The following RBMS3 variants were observed in gnomAD, a reference collection of about 807,000 sequenced individuals.
The protein encoded by RBMS3 is RNA binding motif single stranded interacting protein 3.
In RBMS3, 27 loss-of-function variants were observed where a neutral mutation model predicts 66.8. The ratio of observed to expected loss-of-function variants is 0.40; its 90% confidence interval spans 0.30 to 0.56. The LOEUF is 0.56. Among genes scored for constraint, RBMS3 ranks in the 20% least tolerant of loss-of-function variants. RBMS3 has a pLI of 0.40. For missense variants in RBMS3, 513 were observed against 549.5 expected, an observed-to-expected ratio of 0.93 and a Z score of 0.66; for synonymous variants, 188 against 183.0, an observed-to-expected ratio of 1.03 and a Z score of -0.22.
chr3:29,698,831 A>G (rs1402323917), intron 4 of RBMS3, among the ~76,000 whole-genome samples: 1 of 152,206 alleles, frequency 6.6e-6, no homozygotes, highest in Non-Finnish European at 1.5e-5. Context: ...AAAAATTTAT[A>G]TAATTAATAC....
At chr3:29,850,040 A>G (rs1183581428) in intron 6 of RBMS3, among the ~76,000 whole-genome samples, 1 of 152,196 alleles carries the variant, frequency 6.6e-6, no homozygotes, top group Non-Finnish European at 1.5e-5. Flanking sequence ...GAAGATTTGC[A>G]AAGAACTGGG....
intron 4 of RBMS3, among the ~76,000 whole-genome samples, chr3:29,682,658 A>C (rs747757173): frequency 1.3e-5 from 2 of 152,152 alleles, no homozygotes; most frequent in Non-Finnish European, 2.9e-5. Flanking sequence ...GAACTGCTGC[A>C]CCTGGCAACT....
intron 3 of RBMS3, among the ~76,000 whole-genome samples, chr3:29,533,647 C>T (rs1267952999): frequency 6.6e-6 from 1 of 152,018 alleles, no homozygotes; most frequent in African/African-American, 2.4e-5. Context: ...CATGATGGCA[C>T]ATGCCTGTAG....
chr3:29,580,411 G>T (rs2047283137), intron 3 of RBMS3, among the ~76,000 whole-genome samples: 1 of 152,052 alleles, frequency 6.6e-6, no homozygotes. Flanking sequence ...GGCACTTACT[G>T]AATGGAACCT....
intron 4 of RBMS3, among the ~76,000 whole-genome samples, chr3:29,611,779 A>T (rs1249078802): frequency 1.3e-5 from 2 of 152,054 alleles, no homozygotes; most frequent in Non-Finnish European, 2.9e-5. Flanking sequence ...GTTAAAAAAA[A>T]ACTAAAAGTT....
chr3:29,689,594 T>C (rs1212767574), intron 4 of RBMS3, among the ~76,000 whole-genome samples: 1 of 152,106 alleles, frequency 6.6e-6, no homozygotes, highest in Non-Finnish European at 1.5e-5. Context: ...AAATGTATTC[T>C]AAACCTGCAA....
intron 6 of RBMS3, among the ~76,000 whole-genome samples, chr3:29,792,399 A>C (rs2057043835): frequency 6.6e-6 from 1 of 152,180 alleles, no homozygotes; most frequent in South Asian, 2.1e-4. Flanking sequence ...TTTGAAATGC[A>C]GGGCCCTTCA....
At chr3:29,750,235 C>A (rs1186596351) in intron 5 of RBMS3, among the ~76,000 whole-genome samples, 1 of 152,092 alleles carries the variant, frequency 6.6e-6, no homozygotes, top group Non-Finnish European at 1.5e-5. Flanking sequence ...CTAAATTTAT[C>A]AGAAATCTTT....
At chr3:29,593,376 G>C (rs566571109) in intron 4 of RBMS3, among the ~76,000 whole-genome samples, 1 of 152,222 alleles carries the variant, frequency 6.6e-6, no homozygotes, top group South Asian at 2.1e-4. Flanking sequence ...CAGGCTATTT[G>C]CTATTTATTG....
chr3:29,653,751 G>A (rs559419563), intron 4 of RBMS3, among the ~76,000 whole-genome samples: 1 of 152,014 alleles, frequency 6.6e-6, no homozygotes, highest in Non-Finnish European at 1.5e-5. Context: ...ACCCCCATTA[G>A]CAAATACCGT....
In RBMS3 at chr3:29,293,578, T is replaced by A. The variant is rs534303204; in HGVS notation, c.75+11822T>A. Among the ~76,000 whole-genome samples, 14 of 151,910 alleles carry A rather than the reference T, an allele frequency of 9.2e-5. No homozygotes were observed. The South Asian group carries it at 2.9e-3, about 31-fold the overall frequency. On this transcript the variant is annotated intron_variant, in intron 1 of 14. Coordinates refer to ENST00000383767, the MANE Select transcript of RBMS3 (RefSeq NM_001003793.3). ...TGCTATTGTTATTATTCGTGGTCCA[T>A]CTTTTCTGCCAAATTCATTGTATGC...
chr3:29,849,170 A>ATGTGTGTGTGTG lies in RBMS3; in HGVS notation c.638-19660_638-19649dup, dbSNP rs10571760. Reference sequence around the variant, plus strand: ...CCACTCCTCCCCCTCCACCAAAGGAATGTGTGTGTGTGTGTGTGTGTGTGT... The same window carrying ATGTGTGTGTGTG: ...CCACTCCTCCCCCTCCACCAAAGGAATGTGTGTGTGTGTGTGTGTGTGTGTGTGTGTGTGTGT... On this transcript the variant is annotated intron_variant, in intron 6 of 14. Transcript: ENST00000383767. 4.0e-3 allele frequency among the ~76,000 whole-genome samples: 569 copies of ATGTGTGTGTGTG among 141,750 alleles called. 1 individual carries two copies. The highest frequency in any genetic ancestry group is 4.5e-3 in the Non-Finnish European group (297 of 65,494). 93.0% of individuals were successfully genotyped at this position (141,750 alleles called of 152,430 possible). A position where few individuals can be genotyped will look rare whatever the true frequency, so the allele number is the denominator to read the frequency against.
intron 10 of RBMS3, among the ~76,000 whole-genome samples, chr3:29,930,089 T>G (rs972652516): frequency 2.3e-4 from 33 of 144,268 alleles, no homozygotes; most frequent in Non-Finnish European, 4.7e-4. Flanking sequence ...ATGAATACTT[T>G]GTGTCACTTT....
intron 1 of RBMS3, among the ~76,000 whole-genome samples, chr3:29,326,526 A>G (rs1183816291): frequency 6.6e-6 from 1 of 152,118 alleles, no homozygotes; most frequent in Non-Finnish European, 1.5e-5. Flanking sequence ...AATTACCCCT[A>G]TTATAAATCT....
At chr3:29,512,696 C>G (rs1028109933) in intron 3 of RBMS3, among the ~76,000 whole-genome samples, 1 of 152,114 alleles carries the variant, frequency 6.6e-6, no homozygotes, top group Non-Finnish European at 1.5e-5. Context: ...GGCGGTGGTA[C>G]AGCCATAATA....
chr3:29,464,351 A>AAG (rs1220464654), intron 2 of RBMS3, among the ~76,000 whole-genome samples: 1 of 152,142 alleles, frequency 6.6e-6, no homozygotes, highest in African/African-American at 2.4e-5. Context: ...AGTTTGGTTC[A>AAG]AGATTGTCAA....
At chr3:29,570,269 T>C (rs1383946728) in intron 3 of RBMS3, among the ~76,000 whole-genome samples, 1 of 152,146 alleles carries the variant, frequency 6.6e-6, no homozygotes, top group Non-Finnish European at 1.5e-5. Flanking sequence ...TGCATAATAA[T>C]CACTTTATGG....
At chr3:29,921,516 G>GGGGGGGGGGGTTGGGGA (rs2060780316) in intron 10 of RBMS3, among the ~76,000 whole-genome samples, 1 of 139,158 alleles carries the variant, frequency 7.2e-6, no homozygotes, top group Non-Finnish European at 1.5e-5. Flanking sequence ...GGGGCTGGGG[G>GGGGGGGGGGGTTGGGGA]TGCAGCAAAA....
chr3:29,728,249 T>C (rs566675101), intron 4 of RBMS3, among the ~76,000 whole-genome samples: 19 of 152,128 alleles, frequency 1.2e-4, no homozygotes, highest in African/African-American at 4.6e-4. Flanking sequence ...GACAAATACC[T>C]AACTCATGCG....
Sources: allele counts gnomAD v4.1 joint callset (sites outside exome capture counted in the v4.1 genomes callset), GRCh38; gene constraint gnomAD v4.1.1; transcripts MANE v1.5; gene names NCBI Gene and HGNC (gene_info 2026-07-23, HGNC 2026-07-21).